Variants in GAP43 observed in about 807,000 individuals in gnomAD.
The protein encoded by GAP43 is neuromodulin.
In GAP43, 6 loss-of-function variants were observed where a neutral mutation model predicts 18.6. That is an observed-to-expected ratio of 0.32 (90% CI 0.18 to 0.64). GAP43 has a LOEUF of 0.64. Ranked by LOEUF, GAP43 falls within the 30% of genes least tolerant of loss-of-function variation. GAP43 has a pLI of 0.78. For missense variants in GAP43, 292 were observed against 295.5 expected (o/e 0.99, Z 0.09); for synonymous variants, 115 against 111.4 (o/e 1.03, Z -0.20).
chr3:115,705,549 G>T (rs1428234238), intron 2 of GAP43, among the ~76,000 whole-genome samples: 4 of 152,142 alleles, frequency 2.6e-5, no homozygotes, highest in Non-Finnish European at 5.9e-5. Flanking sequence ...AATTACTACA[G>T]TAACACTTTT....
chr3:115,684,985 C>A (rs1172191226), intron 2 of GAP43, among the ~76,000 whole-genome samples: 1 of 152,176 alleles, frequency 6.6e-6, no homozygotes, highest in East Asian at 1.9e-4. Flanking sequence ...AGCTTTTTAA[C>A]CTTCAGTGGA....
intron 1 of GAP43, among the ~76,000 whole-genome samples, chr3:115,628,640 G>T (rs1183540191): frequency 2.0e-5 from 3 of 151,884 alleles, no homozygotes; most frequent in Non-Finnish European, 4.4e-5. Flanking sequence ...CCCCTTACTG[G>T]GTCTGCATGA....
rs34355376 is a variant in GAP43 at position 115,687,115 on chromosome 3, CT to C, written c.628+10518del. Among the ~76,000 whole-genome samples the C allele has an allele frequency of 2.1e-4, 30 of 140,154 alleles. No homozygotes were observed. In the South Asian group the frequency reaches 2.2e-3, roughly 10 times the overall value. 91.9% of individuals were successfully genotyped at this position (140,154 alleles called of 152,430 possible). The stretch of plus-strand genomic sequence containing the variant: ...CTGAAGATGTCCTGAAATCCCCCCT[CT>C]TTTTTTTTTTTTGCATCTATCCCTA... On this transcript the variant is annotated intron_variant, in intron 2 of 2. Transcript: ENST00000305124.
intron 1 of GAP43, among the ~76,000 whole-genome samples, chr3:115,652,773 T>A (rs61377344): frequency 0.044 from 6,667 of 152,232 alleles, 451 homozygotes; most frequent in African/African-American, 0.15. Flanking sequence ...TGTGGTAATT[T>A]TTGAAAGGGT....
At chr3:115,668,992 T>G (rs976084061) in intron 1 of GAP43, among the ~76,000 whole-genome samples, 1 of 151,202 alleles carries the variant, frequency 6.6e-6, no homozygotes, top group Non-Finnish European at 1.5e-5. Context: ...GCAGCAGTCA[T>G]CTGAGATAGT....
At chr3:115,646,545 A>T (rs1708459587) in intron 1 of GAP43, among the ~76,000 whole-genome samples, 1 of 152,110 alleles carries the variant, frequency 6.6e-6, no homozygotes, top group Admixed American at 6.6e-5. Context: ...GTGGGGGTTC[A>T]GAAGGGCTCT....
intron 2 of GAP43, 53 bp from the exon 3 acceptor site, chr3:115,720,741 C>T: frequency 7.9e-7 from 1 of 1,262,356 alleles, no homozygotes; most frequent in South Asian, 1.2e-5. Flanking sequence ...GCAGATAAGA[C>T]AAAATACTAA....
intron 2 of GAP43, among the ~76,000 whole-genome samples, chr3:115,679,350 C>A (rs918860413): frequency 1.3e-5 from 2 of 152,148 alleles, no homozygotes; most frequent in Non-Finnish European, 2.9e-5. Flanking sequence ...CTATTTACTA[C>A]CAACCTGTTT....
Position 115,623,664 on chromosome 3 carries a change from G to T in GAP43, c.-26G>T. 1 of 1,613,864 alleles carries T rather than the reference G, an allele frequency of 6.2e-7. No individual in the cohort carries two copies. The highest frequency in any genetic ancestry group is 8.5e-7 in the Non-Finnish European group (1 of 1,179,844). ...AGAGAGAAGGAAAGGAGAGAAGGCAGGAAGAAGGCAAGGGACGAGACAACC... is the reference window on the plus strand; with the variant it reads ...AGAGAGAAGGAAAGGAGAGAAGGCATGAAGAAGGCAAGGGACGAGACAACC... On this transcript the variant is annotated 5_prime_UTR_variant, in exon 1 of 3. It adds an upstream start codon to the 5' untranslated region. Coordinates refer to ENST00000305124, the MANE Select transcript of GAP43 (RefSeq NM_002045.4).
chr3:115,683,394 T>C (rs957081660), intron 2 of GAP43, among the ~76,000 whole-genome samples: 3 of 152,156 alleles, frequency 2.0e-5, no homozygotes, highest in Admixed American at 2.0e-4. Flanking sequence ...ATTATTAGAC[T>C]AGAGGCCCAG....
At chr3:115,710,144 G>A (rs1278440025) in intron 2 of GAP43, among the ~76,000 whole-genome samples, 1 of 152,076 alleles carries the variant, frequency 6.6e-6, no homozygotes, top group Non-Finnish European at 1.5e-5. Context: ...TCACTATAAT[G>A]TGCCAAGCAG....
intron 1 of GAP43, among the ~76,000 whole-genome samples, chr3:115,675,435 C>T (rs576334605): frequency 3.9e-4 from 59 of 152,124 alleles, no homozygotes; most frequent in Non-Finnish European, 4.9e-4. Context: ...TGACATGGAG[C>T]AACATTGAGC....
At position 115,623,703 on chromosome 3, in the gene GAP43, T is replaced by G; in HGVS notation, c.14T>G (p.Met5Arg). Residue 5 changes from methionine (M) to arginine (R), a missense_variant, in exon 1 of 3, where the codon ATG becomes AGG. Coordinates refer to ENST00000305124, the MANE Select transcript of GAP43 (RefSeq NM_002045.4). ...GACGAGACAACCATGCTGTGCTGTATGAGAAGAACCAAACAGGTAGAGCTA... is the reference window on the plus strand; with the variant it reads ...GACGAGACAACCATGCTGTGCTGTAGGAGAAGAACCAAACAGGTAGAGCTA... MLCC[M>R]RRTKQVEKND... 1 of 1,614,178 alleles carries G rather than the reference T, an allele frequency of 6.2e-7. No individual in the cohort carries two copies. Among genetic ancestry groups the G allele is most frequent in the Non-Finnish European group, 8.5e-7 (1 of 1,179,996 alleles).
At position 115,676,213 on chromosome 3, in the gene GAP43, G is replaced by T; in HGVS notation, c.231G>T (p.Gly77=). ...AGGATGAAGCCCCTGTTGCCGATGG[G>T]GTGGAGAAGAAGGGAGAAGGCACCA... is the stretch of plus-strand genomic sequence containing the variant. The part of the protein sequence containing the change: ...NKKDEAPVAD[G]VEKKGEGTTT... Residue 77 remains glycine (G), a synonymous_variant, in exon 2 of 3, where the codon GGG becomes GGT. Transcript: ENST00000305124. 1 of 1,614,158 alleles carries T rather than the reference G, an allele frequency of 6.2e-7. No homozygotes were observed. Among genetic ancestry groups the T allele is most frequent in the South Asian group, 1.1e-5 (1 of 91,082 alleles).
intron 1 of GAP43, among the ~76,000 whole-genome samples, chr3:115,645,139 A>G (rs889571985): frequency 6.6e-6 from 1 of 152,046 alleles, no homozygotes; most frequent in Non-Finnish European, 1.5e-5. Flanking sequence ...TTATTCATTT[A>G]TTCATTAGGA....
chr3:115,680,484 A>C (rs1708947967), intron 2 of GAP43, among the ~76,000 whole-genome samples: 1 of 152,174 alleles, frequency 6.6e-6, no homozygotes. Context: ...ACCAAAACAA[A>C]AACAAGATGT....
chr3:115,630,993 C>T (rs374620486), intron 1 of GAP43, among the ~76,000 whole-genome samples: 7 of 152,142 alleles, frequency 4.6e-5, no homozygotes, highest in African/African-American at 9.7e-5. Flanking sequence ...CTGGGACAGA[C>T]GACCATTTCT....
chr3:115,631,487 TATTA>T (rs1307387055), intron 1 of GAP43, among the ~76,000 whole-genome samples: 2 of 152,224 alleles, frequency 1.3e-5, no homozygotes, highest in Non-Finnish European at 2.9e-5. Context: ...ATGTAAGTAT[TATTA>T]ATTAAGGAAT....
At chr3:115,670,462 C>G (rs1053623285) in intron 1 of GAP43, among the ~76,000 whole-genome samples, 4 of 152,132 alleles carry the variant, frequency 2.6e-5, no homozygotes, top group Non-Finnish European at 5.9e-5. Flanking sequence ...CCGGCAGTGA[C>G]ATTCCATCTA....
Sources: allele counts gnomAD v4.1 joint callset (sites outside exome capture counted in the v4.1 genomes callset), GRCh38; gene constraint gnomAD v4.1.1; transcripts MANE v1.5; gene names NCBI Gene and HGNC (gene_info 2026-07-23, HGNC 2026-07-21).